The following FBLN1 variants were observed in gnomAD, a reference collection of about 807,000 sequenced individuals.
The protein encoded by FBLN1 is fibulin 1.
A neutral mutation model predicts 89.7 loss-of-function variants in FBLN1; 34 were observed. The ratio of observed to expected loss-of-function variants is 0.38; its 90% CI spans 0.29 to 0.50. FBLN1 has a LOEUF of 0.50. FBLN1 is among the 20% of genes least tolerant of loss of function. FBLN1 has a pLI of 0.92. For synonymous variants in FBLN1, 393 were observed against 391.3 expected (o/e 1.00, Z -0.05); for missense variants, 777 against 988.1 (o/e 0.79, Z 2.86).
At chr22:45,598,832 G>A (rs971622029) in intron 16 of FBLN1, among the ~76,000 whole-genome samples, 4 of 152,386 alleles carry the variant, frequency 2.6e-5, no homozygotes, top group African/African-American at 9.6e-5. Context: ...CTGGGCATCT[G>A]AATCGTGCAG....
In FBLN1 at chr22:45,572,293, G is replaced by T. The variant is rs2088958720; in HGVS notation, c.1698-2218G>T. ...AAGAAAGCTGTGAAAGACGACAAGG[G>T]CTGGGCCAAAAGGACCCAGGAGCCA... On this transcript the variant is annotated intron_variant, in intron 14 of 16. Coordinates refer to ENST00000327858, the MANE Select transcript of FBLN1 (RefSeq NM_006486.3). The surrounding 1 kb of genome is among the most constrained non-coding windows in gnomAD (Gnocchi z 5.8). 6.6e-6 allele frequency among the ~76,000 whole-genome samples: 1 copy of T among 152,130 alleles called. No individual in the cohort carries two copies. Among genetic ancestry groups the T allele is most frequent in the African/African-American group, 2.4e-5 (1 of 41,434 alleles).
At chr22:45,524,329 C>T (rs935464691) in intron 2 of FBLN1, among the ~76,000 whole-genome samples, 1 of 152,234 alleles carries the variant, frequency 6.6e-6, no homozygotes, top group African/African-American at 2.4e-5. Flanking sequence ...GGTCAGGGGC[C>T]ACCCGTGACA....
rs532786355 is a variant in FBLN1 at position 45,580,400 on chromosome 22, G to A, written c.1972+3292G>A. On this transcript the variant is annotated intron_variant, in intron 16 of 16. Coordinates refer to ENST00000327858, the MANE Select transcript of FBLN1 (RefSeq NM_006486.3). This position sits in a 1 kb window ranked among gnomAD's most constrained non-coding sequence, Gnocchi z 8.6. ...CTAGGCCATGCCCTGTGTGGACACT[G>A]GGCACCGGATCAGGAGGGCTTCCTG... Among the ~76,000 whole-genome samples, 7 of 152,152 alleles carry A rather than the reference G, an allele frequency of 4.6e-5. No homozygotes were observed. The highest frequency in any genetic ancestry group is 1.0e-4 in the Non-Finnish European group (7 of 68,030).
chr22:45,555,062 C>T (rs1013671136), intron 14 of FBLN1, among the ~76,000 whole-genome samples: 4 of 150,428 alleles, frequency 2.7e-5, no homozygotes, highest in East Asian at 1.9e-4. Flanking sequence ...CCGTCTCCAC[C>T]GCAGGAGGTT....
chr22:45,585,840 G>A (rs1226470806), intron 16 of FBLN1, among the ~76,000 whole-genome samples: 1 of 152,142 alleles, frequency 6.6e-6, no homozygotes, highest in Non-Finnish European at 1.5e-5. Context: ...TGGGCTCTGA[G>A]GCATCAGAGC....
chr22:45,527,991 G>C lies in FBLN1; in HGVS notation c.466G>C (p.Gly156Arg), dbSNP rs140047071. The C allele has an allele frequency of 1.9e-5, 30 of 1,614,192 alleles. No individual in the cohort carries two copies. The highest frequency in any genetic ancestry group is 2.5e-5 in the Non-Finnish European group (30 of 1,180,014). The change falls in exon 4 of 17, where the codon GGG becomes CGG. Residue 156 changes from glycine (G) to arginine (R), a missense_variant. By Grantham distance (125) the Gly-to-Arg change is moderately radical. Coordinates refer to ENST00000327858, the MANE Select transcript of FBLN1 (RefSeq NM_006486.3). ...CCAGGAGACCGGAGATTTGGATGTC[G>C]GGGGCCTCCAAGAAACGGGTAACTT... ...KSQETGDLDV[G>R]GLQETDKIIE...
rs377546877 is a variant in FBLN1 at position 45,590,809 on chromosome 22, G to A, written c.1973-9498G>A. Among the ~76,000 whole-genome samples, 5 of 152,246 alleles carry A rather than the reference G, an allele frequency of 3.3e-5. No homozygotes were observed. The highest frequency in any genetic ancestry group is 9.6e-5 in the African/African-American group (4 of 41,552). ...TGGGGGTACCTGCCTGGAGAGTGAG[G>A]GGTAGGGGAGGAAGGGAAGTGGGTT... On this transcript the variant is annotated intron_variant, in intron 16 of 16. Transcript: ENST00000327858. The surrounding 1 kb of genome is among the most constrained non-coding windows in gnomAD (Gnocchi z 4.1).
intron 16 of FBLN1, among the ~76,000 whole-genome samples, chr22:45,592,007 G>A (rs113261661): frequency 6.7e-6 from 1 of 150,244 alleles, no homozygotes; most frequent in African/African-American, 2.5e-5. Flanking sequence ...GAAGTGTCCT[G>A]CGCGCCATTT....
At chr22:45,565,002 T>C in intron 14 of FBLN1, 15 of 1,613,570 alleles carry the variant, frequency 9.3e-6, no homozygotes, top group African/African-American at 1.3e-5. Flanking sequence ...GTGAGGAAGA[T>C]GGACCTGGAC....
At chr22:45,505,337 A>C (rs1330801935) in intron 1 of FBLN1, among the ~76,000 whole-genome samples, 1 of 152,252 alleles carries the variant, frequency 6.6e-6, no homozygotes, top group Non-Finnish European at 1.5e-5. Context: ...ACTTGGCTTG[A>C]AAACGTGTGG....
In FBLN1 at chr22:45,556,232, G is replaced by A. The variant is rs2088786511; in HGVS notation, c.1697+5617G>A. ...GCTGGTCTTGAGCTCCTGACCTCAA[G>A]TGATCCTCCCGCCTCGGCCTCCCAA... On this transcript the variant is annotated intron_variant, in intron 14 of 16. Transcript: ENST00000327858. This position sits in a 1 kb window ranked among gnomAD's most constrained non-coding sequence, Gnocchi z 4.6. 6.6e-6 allele frequency among the ~76,000 whole-genome samples: 1 copy of A among 152,174 alleles called. No individual in the cohort carries two copies. The highest frequency in any genetic ancestry group is 1.5e-5 in the Non-Finnish European group (1 of 68,040).
chr22:45,568,771 A>G lies in FBLN1; in HGVS notation c.1698-5740A>G, dbSNP rs1171247562. On this transcript the variant is annotated intron_variant, in intron 14 of 16. Coordinates refer to ENST00000327858, the MANE Select transcript of FBLN1 (RefSeq NM_006486.3). ...TCTGTAGGGGAGTGCTCCTTCTGTA[A>G]GGGAATGCTCCTCCTGTAAGGGAAT... Among the ~76,000 whole-genome samples, 95 of 24,080 alleles carry G rather than the reference A, an allele frequency of 3.9e-3. 26 individuals are homozygous for G. Among genetic ancestry groups the G allele is most frequent in the African/African-American group, 0.014 (70 of 4,924 alleles). 15.8% of individuals were successfully genotyped at this position (24,080 alleles called of 152,430 possible).
chr22:45,588,797 T>C lies in FBLN1; in HGVS notation c.1973-11510T>C, dbSNP rs1254477056. Among the ~76,000 whole-genome samples the C allele has an allele frequency of 1.5e-5, 2 of 137,658 alleles. No individual in the cohort carries two copies. The highest frequency in any genetic ancestry group is 3.1e-5 in the Non-Finnish European group (2 of 65,330). The allele number at this position is 137,658 out of a possible 152,430, so 90.3% of individuals were successfully genotyped here. A position where few individuals can be genotyped will look rare whatever the true frequency, so the allele number is the denominator to read the frequency against. On this transcript the variant is annotated intron_variant, in intron 16 of 16. Coordinates refer to ENST00000327858, the MANE Select transcript of FBLN1 (RefSeq NM_006486.3). This position sits in a 1 kb window ranked among gnomAD's most constrained non-coding sequence, Gnocchi z 5.1. ...TTTTAGCCAAACAGCAGTAGAGGCA[T>C]GTTGTGCAAAATTAGCAAAAAAAAA...
chr22:45,529,311 C>G (rs2088372421), intron 4 of FBLN1, among the ~76,000 whole-genome samples: 1 of 152,216 alleles, frequency 6.6e-6, no homozygotes, highest in Admixed American at 6.5e-5. Flanking sequence ...GGGCATGTGA[C>G]CCCAAGAGCA....
intron 16 of FBLN1, among the ~76,000 whole-genome samples, chr22:45,591,589 T>C (rs1430096389): frequency 6.6e-6 from 1 of 152,182 alleles, no homozygotes; most frequent in Non-Finnish European, 1.5e-5. Context: ...ATTTTAAATA[T>C]GCAGCCCAGA....
intron 14 of FBLN1, among the ~76,000 whole-genome samples, chr22:45,555,934 A>G (rs1353972260): frequency 6.6e-6 from 1 of 152,236 alleles, no homozygotes; most frequent in African/African-American, 2.4e-5. Flanking sequence ...AGAGAAAGGA[A>G]ATAAAATGAA....
chr22:45,522,948 C>T (rs985372319), intron 2 of FBLN1: 3 of 490,964 alleles, frequency 6.1e-6, no homozygotes, highest in Non-Finnish European at 1.1e-5. Flanking sequence ...GTCCCCTGGC[C>T]TCGTGGAGGC....
intron 12 of FBLN1, 55 bp downstream of exon 12, chr22:45,547,259 A>G: frequency 6.2e-7 from 1 of 1,606,790 alleles, no homozygotes; most frequent in Non-Finnish European, 8.5e-7. Flanking sequence ...TTGCCATGAC[A>G]CAGCAGCACG....
chr22:45,571,127 A>G (rs201813000), intron 14 of FBLN1, among the ~76,000 whole-genome samples: 1 of 151,196 alleles, frequency 6.6e-6, no homozygotes, highest in Admixed American at 6.6e-5. Flanking sequence ...AAAAAAAAAA[A>G]AAAAAAAAAG....
Sources: gnomAD v4.1 joint callset for allele counts (sites outside exome capture counted in the v4.1 genomes callset) on GRCh38, gnomAD v4.1.1 for gene constraint, Gnocchi (gnomAD v3.1) non-coding constraint, MANE v1.5 for transcripts, NCBI Gene and HGNC (gene_info 2026-07-23, HGNC 2026-07-21) for gene names.